Variants in SGPP1 observed in about 807,000 individuals in gnomAD.
SGPP1 encodes the protein hSPP1.
SGPP1 carries 21 observed loss-of-function variants against 33.0 expected under a neutral mutation model. That is an observed-to-expected ratio of 0.64 (90% CI 0.45 to 0.92). SGPP1 has a LOEUF of 0.92. Ranked by LOEUF, SGPP1 falls within the 40% of genes least tolerant of loss-of-function variation. The probability of loss-of-function intolerance (pLI) is 0.00; values close to 1 mark genes in which losing one functional copy is unlikely to be tolerated. For synonymous variants in SGPP1, 239 were observed against 241.2 expected, an observed-to-expected ratio of 0.99 and a Z score of 0.08; for missense variants, 543 against 589.4, an observed-to-expected ratio of 0.92 and a Z score of 0.81.
intron 1 of SGPP1, among the ~76,000 whole-genome samples, chr14:63,714,307 C>G (rs1178720416): frequency 6.6e-6 from 1 of 152,178 alleles, no homozygotes; most frequent in East Asian, 1.9e-4. Context: ...CATCAAAAGG[C>G]TCAGATTGTC....
chr14:63,721,745 T>C (rs766963366), intron 1 of SGPP1, among the ~76,000 whole-genome samples: 6 of 152,220 alleles, frequency 3.9e-5, no homozygotes, highest in Non-Finnish European at 7.3e-5. Flanking sequence ...AGAATATTCT[T>C]ATGTGTCTTT....
intron 2 of SGPP1, among the ~76,000 whole-genome samples, chr14:63,696,973 A>C (rs1361464708): frequency 2.6e-5 from 4 of 152,146 alleles, no homozygotes; most frequent in Non-Finnish European, 5.9e-5. Context: ...ACAACAGAGC[A>C]AGACTCTGTC....
chr14:63,712,029 C>CAAA (rs61030675), intron 1 of SGPP1, among the ~76,000 whole-genome samples: 1 of 70,770 alleles, frequency 1.4e-5, no homozygotes. Context: ...GACTCCATCT[C>CAAA]AAAAAAAAAA....
At chr14:63,727,174 G>A in intron 1 of SGPP1, 87 bp downstream of exon 1, 1 of 1,472,672 alleles carries the variant, frequency 6.8e-7, no homozygotes, top group Non-Finnish European at 8.9e-7. Flanking sequence ...GGAGGGGAAC[G>A]GTCGAATTAA....
intron 2 of SGPP1, among the ~76,000 whole-genome samples, chr14:63,696,562 A>C (rs1049602629): frequency 3.9e-5 from 6 of 152,278 alleles, no homozygotes; most frequent in Non-Finnish European, 7.3e-5. Context: ...TTGATTTTGC[A>C]TAAAAATATG....
chr14:63,709,248 C>T (rs1468842520), intron 1 of SGPP1, among the ~76,000 whole-genome samples: 1 of 151,950 alleles, frequency 6.6e-6, no homozygotes, highest in Non-Finnish European at 1.5e-5. Context: ...GTGGTGGGGG[C>T]CTGTAATCCC....
At chr14:63,707,585 G>C (rs1224994641) in intron 1 of SGPP1, among the ~76,000 whole-genome samples, 6 of 150,932 alleles carry the variant, frequency 4.0e-5, no homozygotes, top group Non-Finnish European at 8.8e-5. Context: ...GCCCAGGCTG[G>C]AGTGCAATGG....
intron 1 of SGPP1, among the ~76,000 whole-genome samples, chr14:63,700,179 A>G (rs1449713611): frequency 6.6e-6 from 1 of 152,150 alleles, no homozygotes; most frequent in Non-Finnish European, 1.5e-5. Flanking sequence ...TTACAGGTGC[A>G]GTGAGCCAAT....
intron 2 of SGPP1, among the ~76,000 whole-genome samples, chr14:63,687,286 C>G (rs1885000006): frequency 6.6e-6 from 1 of 151,884 alleles, no homozygotes; most frequent in Admixed American, 6.6e-5. Context: ...ACTAAAAATG[C>G]AAAAATTAGC....
Position 63,698,646 on chromosome 14 carries a change from A to G in SGPP1, c.697T>C (p.Tyr233His). 1 of 1,584,460 alleles carries G rather than the reference A, an allele frequency of 6.3e-7. No individual in the cohort carries two copies. The highest frequency in any genetic ancestry group is 8.6e-7 in the Non-Finnish European group (1 of 1,166,910). ...CAGCAGGGAATAAGAATCAGTCCATATATAAGAGGGTACTAAAGGGGAAAA... is the reference window on the plus strand; with the variant it reads ...CAGCAGGGAATAAGAATCAGTCCATGTATAAGAGGGTACTAAAGGGGAAAA... ...TYGRWQYPLI[Y>H]GLILIPCWCS... The change falls in exon 2 of 3, where the codon TAT (tyrosine) becomes CAT (histidine). Residue 233 changes from tyrosine to histidine, a missense_variant. Tyr to His is a moderately conservative substitution (Grantham distance 83). Coordinates refer to ENST00000247225, the MANE Select transcript of SGPP1 (RefSeq NM_030791.4).
intron 1 of SGPP1, among the ~76,000 whole-genome samples, chr14:63,724,829 C>T (rs1197192398): frequency 6.7e-6 from 1 of 150,156 alleles, no homozygotes; most frequent in Non-Finnish European, 1.5e-5. Context: ...TTGCAGAGAG[C>T]CGAGATTGCG....
At chr14:63,699,343 G>A (rs188684268) in intron 1 of SGPP1, among the ~76,000 whole-genome samples, 8 of 152,274 alleles carry the variant, frequency 5.3e-5, no homozygotes, top group Admixed American at 4.6e-4. Context: ...GAGATTGGAG[G>A]GAAAGAGGAA....
chr14:63,726,206 A>G (rs1033549125), intron 1 of SGPP1, among the ~76,000 whole-genome samples: 3 of 152,246 alleles, frequency 2.0e-5, no homozygotes, highest in African/African-American at 7.2e-5. Context: ...AGTTTTACAC[A>G]GAATGTGTAT....
chr14:63,699,306 A>G (rs1885249857), intron 1 of SGPP1, among the ~76,000 whole-genome samples: 1 of 152,180 alleles, frequency 6.6e-6, no homozygotes, highest in South Asian at 2.1e-4. Context: ...CAATGGCACT[A>G]GTGGAAAAGT....
chr14:63,727,951 G>C lies in SGPP1; in HGVS notation c.-7C>G, dbSNP rs1179618027. 10 of 1,541,512 alleles carry C rather than the reference G, an allele frequency of 6.5e-6. No homozygotes were observed. Among genetic ancestry groups the C allele is most frequent in the Non-Finnish European group, 8.7e-6 (10 of 1,153,418 alleles). On this transcript the variant is annotated 5_prime_UTR_variant, in exon 1 of 3. Coordinates refer to ENST00000247225, the MANE Select transcript of SGPP1 (RefSeq NM_030791.4). ...GGCGCTGCCTCAGCGACATGATAAC[G>C]GAACCCCCGGGAAGGCGGGCCGGCC...
rs185585979 is a variant in SGPP1, at chr14:63,703,076, G to A, written c.685-4418C>T. Among the ~76,000 whole-genome samples, 12 of 152,106 alleles carry A rather than the reference G, an allele frequency of 7.9e-5. 1 individual carries two copies. Among genetic ancestry groups the A allele is most frequent in the Admixed American group, 6.5e-4 (10 of 15,272 alleles). ...GGCTACTATACCCCCATTCACAGAC[G>A]AAGTGATCCTAAAGATAGAAAATCC... On this transcript the variant is annotated intron_variant, in intron 1 of 2. Coordinates refer to ENST00000247225, the MANE Select transcript of SGPP1 (RefSeq NM_030791.4).
intron 2 of SGPP1, among the ~76,000 whole-genome samples, chr14:63,689,393 C>T (rs1341617934): frequency 6.6e-6 from 1 of 152,128 alleles, no homozygotes; most frequent in Non-Finnish European, 1.5e-5. Flanking sequence ...CTCAAGTGAT[C>T]CACCTACCTT....
At chr14:63,712,822 C>T (rs1885552050) in intron 1 of SGPP1, among the ~76,000 whole-genome samples, 1 of 137,636 alleles carries the variant, frequency 7.3e-6, no homozygotes, top group African/African-American at 2.8e-5. Context: ...GAGGCTGAGG[C>T]AGGAGAATTG....
At chr14:63,693,621 A>T (rs897622484) in intron 2 of SGPP1, among the ~76,000 whole-genome samples, 2 of 151,994 alleles carry the variant, frequency 1.3e-5, no homozygotes, top group Non-Finnish European at 2.9e-5. Context: ...AATTATTTTT[A>T]TTTTTATTTT....
Sources: allele counts gnomAD v4.1 joint callset (sites outside exome capture counted in the v4.1 genomes callset), GRCh38; gene constraint gnomAD v4.1.1; transcripts MANE v1.5; gene names NCBI Gene and HGNC (gene_info 2026-07-23, HGNC 2026-07-21).